The following ESRP1 variants were observed in gnomAD, a reference collection of about 807,000 sequenced individuals.
The protein encoded by ESRP1 is RNA-binding motif protein 35A.
Under a neutral mutation model 81.7 loss-of-function variants are expected in ESRP1, and 33 were observed. The observed-to-expected ratio is 0.40, with a 90% CI of 0.31 to 0.54. The LOEUF (loss-of-function observed/expected upper bound fraction) is 0.54. Ranked by LOEUF, ESRP1 falls within the 20% of genes least tolerant of loss-of-function variation. The pLI is 0.41. For missense variants in ESRP1, 672 were observed against 833.1 expected (o/e 0.81, Z 2.38); for synonymous variants, 320 against 303.3 (o/e 1.06, Z -0.57).
intron 15 of ESRP1, among the ~76,000 whole-genome samples, chr8:94,697,712 A>G (rs1809659722): frequency 6.6e-6 from 1 of 152,210 alleles, no homozygotes. Flanking sequence ...TGTACCCAGG[A>G]GTATAATCAC....
intron 13 of ESRP1, among the ~76,000 whole-genome samples, chr8:94,689,045 G>T (rs1453515903): frequency 6.6e-6 from 1 of 152,080 alleles, no homozygotes; most frequent in East Asian, 1.9e-4. Context: ...GAAGCCAGTA[G>T]TTTGAGACCA....
chr8:94,662,769 G>A (rs1234496488), intron 6 of ESRP1, among the ~76,000 whole-genome samples: 1 of 151,962 alleles, frequency 6.6e-6, no homozygotes, highest in Non-Finnish European at 1.5e-5. Context: ...TACCATACCT[G>A]GCTAATTTTT....
At chr8:94,697,144 A>G (rs1809637105) in intron 15 of ESRP1, among the ~76,000 whole-genome samples, 183 bp downstream of exon 15, 1 of 152,212 alleles carries the variant, frequency 6.6e-6, no homozygotes, top group Non-Finnish European at 1.5e-5. Flanking sequence ...AATCTAAGCA[A>G]CATTAATGGA....
rs1818616221 is a variant in ESRP1, at chr8:94,659,601, C to CT, written c.491-2669dup. ...AAATCAAAAGCTAGACATGATTAAGCTTAGTCAGGAAGGCATGTCAAAAGC... is the reference window on the plus strand; with the variant it reads ...AAATCAAAAGCTAGACATGATTAAGCTTTAGTCAGGAAGGCATGTCAAAAGC... On this transcript the variant is annotated intron_variant, in intron 4 of 15. Coordinates refer to ENST00000433389, the MANE Select transcript of ESRP1 (RefSeq NM_017697.4). 2.0e-5 allele frequency among the ~76,000 whole-genome samples: 3 copies of CT among 152,302 alleles called. No homozygotes were observed. The South Asian group carries it at 6.2e-4, about 32-fold the overall frequency.
intron 11 of ESRP1, among the ~76,000 whole-genome samples, chr8:94,673,359 C>T (rs1365205): frequency 0.33 from 50,241 of 152,092 alleles, 9,253 homozygotes; most frequent in East Asian, 0.58. Flanking sequence ...TGCACAAACT[C>T]TTAGGTGCCT....
intron 12 of ESRP1, 34 bp from the exon 13 acceptor site, chr8:94,678,169 A>G (rs746585400): frequency 2.3e-5 from 37 of 1,609,304 alleles, no homozygotes; most frequent in Non-Finnish European, 3.1e-5. Flanking sequence ...GCTGTTACAA[A>G]TATGTCTCAA....
At chr8:94,646,547 ATG>A (rs756589566) in intron 4 of ESRP1, 38 of 278,814 alleles carry the variant, frequency 1.4e-4, no homozygotes, top group Non-Finnish European at 2.0e-4. Context: ...CAGCTGTGTA[ATG>A]TGTGTGTGTG....
At chr8:94,704,533 G>A (rs908390423) in intron 15 of ESRP1, among the ~76,000 whole-genome samples, 3 of 152,126 alleles carry the variant, frequency 2.0e-5, no homozygotes. Context: ...AGAGGTCAAG[G>A]CAGGAGGATT....
chr8:94,666,974 A>G (rs1257452955), intron 9 of ESRP1, among the ~76,000 whole-genome samples: 1 of 152,148 alleles, frequency 6.6e-6, no homozygotes, highest in Non-Finnish European at 1.5e-5. Flanking sequence ...AGGCCAAGGC[A>G]GGCGGATCAC....
chr8:94,706,118 G>A lies in ESRP1; in HGVS notation c.*229G>A, dbSNP rs1208472762. ...GCCAAATCGTAACTTACAGCAAGCA[G>A]CATGCAGCATACCTGGCTCTTTGCT... On this transcript the variant is annotated 3_prime_UTR_variant, in exon 16 of 16. Coordinates refer to ENST00000433389, the MANE Select transcript of ESRP1 (RefSeq NM_017697.4). 1 of 595,886 alleles carries A rather than the reference G, an allele frequency of 1.7e-6. No homozygotes were observed. Among genetic ancestry groups the A allele is most frequent in the Non-Finnish European group, 2.9e-6 (1 of 345,590 alleles). 36.9% of individuals were successfully genotyped at this position (595,886 alleles called of 1,614,324 possible).
At chr8:94,652,466 G>T (rs750672664) in intron 4 of ESRP1, among the ~76,000 whole-genome samples, 2 of 148,548 alleles carry the variant, frequency 1.3e-5, no homozygotes, top group Non-Finnish European at 3.0e-5. Context: ...TGATAGGGAC[G>T]GGGGCTTCTG....
intron 6 of ESRP1, among the ~76,000 whole-genome samples, 191 bp from the exon 7 acceptor site, chr8:94,664,506 A>T (rs1000130134): frequency 2.0e-5 from 3 of 152,192 alleles, no homozygotes; most frequent in Non-Finnish European, 4.4e-5. Flanking sequence ...TCTATAATGA[A>T]CCACCTAAAC....
At chr8:94,674,886 T>C (rs1399404828) in intron 12 of ESRP1, among the ~76,000 whole-genome samples, 1 of 152,228 alleles carries the variant, frequency 6.6e-6, no homozygotes, top group Non-Finnish European at 1.5e-5. Flanking sequence ...TTTTAAAACG[T>C]ATTAACCTTT....
Position 94,671,440 on chromosome 8 carries a change from G to A in ESRP1, c.1234-13G>A, listed in dbSNP as rs749635201. The A allele has an allele frequency of 1.9e-6, 3 of 1,605,808 alleles. No individual in the cohort carries two copies. Among genetic ancestry groups the A allele is most frequent in the African/African-American group, 2.7e-5 (2 of 74,732 alleles). On this transcript the variant is annotated splice_polypyrimidine_tract_variant and intron_variant, in intron 10 of 15. Transcript: ENST00000433389. Reference sequence around the variant, plus strand: ...CACAGCTCTAAATTACTTCTGTTTTGCTTTGAGTACAGGTGCTGAATCGAT... The same window carrying A: ...CACAGCTCTAAATTACTTCTGTTTTACTTTGAGTACAGGTGCTGAATCGAT...
intron 9 of ESRP1, among the ~76,000 whole-genome samples, chr8:94,665,528 G>A (rs1818975025): frequency 6.6e-6 from 1 of 152,162 alleles, no homozygotes; most frequent in Non-Finnish European, 1.5e-5. Context: ...GTTTCGCTCT[G>A]TCACCCAAAC....
chr8:94,659,213 A>G (rs1818592223), intron 4 of ESRP1, among the ~76,000 whole-genome samples: 2 of 152,180 alleles, frequency 1.3e-5, no homozygotes, highest in African/African-American at 4.8e-5. Context: ...AAGAAAATGG[A>G]AGGTTTGTAG....
chr8:94,667,834 G>C (rs775299830), intron 9 of ESRP1, 115 bp from the exon 10 acceptor site: 43 of 829,060 alleles, frequency 5.2e-5, no homozygotes, highest in Non-Finnish European at 7.9e-5. Flanking sequence ...TTCAGTAGGA[G>C]TATGGGTCTT....
chr8:94,681,225 C>G (rs576650702), intron 13 of ESRP1, among the ~76,000 whole-genome samples: 40 of 144,976 alleles, frequency 2.8e-4, no homozygotes, highest in African/African-American at 9.7e-4. Context: ...ACTTGGGAGG[C>G]TGAGGCAGGA....
At chr8:94,685,817 G>A (rs1426331755) in intron 13 of ESRP1, among the ~76,000 whole-genome samples, 1 of 151,890 alleles carries the variant, frequency 6.6e-6, no homozygotes, top group Non-Finnish European at 1.5e-5. Context: ...ACAAAACAAT[G>A]GGCTGGGAGC....
Sources: allele counts gnomAD v4.1 joint callset (sites outside exome capture counted in the v4.1 genomes callset), GRCh38; gene constraint gnomAD v4.1.1; transcripts MANE v1.5; gene names NCBI Gene and HGNC (gene_info 2026-07-23, HGNC 2026-07-21).